Variants in NRIP2 observed in about 807,000 individuals in gnomAD.
NRIP2 encodes the protein nuclear receptor-interacting protein 2.
A neutral mutation model predicts 34.1 loss-of-function variants in NRIP2; 27 were observed. The ratio of observed to expected loss-of-function variants is 0.79; its 90% confidence interval spans 0.58 to 1.09. The LOEUF (loss-of-function observed/expected upper bound fraction) is 1.09. Ranked by LOEUF, NRIP2 falls within the 50% of genes least tolerant of loss-of-function variation. The probability of loss-of-function intolerance (pLI) is 0.00; values close to 1 mark genes in which losing one functional copy is unlikely to be tolerated. For missense variants in NRIP2, 385 were observed against 352.6 expected, an observed-to-expected ratio of 1.09 and a Z score of -0.74; for synonymous variants, 145 against 146.9, an observed-to-expected ratio of 0.99 and a Z score of 0.09.
At chr12:2,828,078 C>T (rs1228956578) in intron 3 of NRIP2, 31 bp from the exon 4 acceptor site, 1 of 1,585,966 alleles carries the variant, frequency 6.3e-7, no homozygotes, top group Non-Finnish European at 8.6e-7. Context: ...TTATGGCTAC[C>T]ACAGCCCCTA....
At chr12:2,831,221 C>G (rs917618047) in intron 1 of NRIP2, among the ~76,000 whole-genome samples, 6 of 149,150 alleles carry the variant, frequency 4.0e-5, no homozygotes, top group Non-Finnish European at 8.9e-5. Flanking sequence ...TTTTTTTCTT[C>G]CCCTCTGACC....
chr12:2,828,838 G>A (rs1223627344), intron 2 of NRIP2, among the ~76,000 whole-genome samples: 1 of 152,080 alleles, frequency 6.6e-6, no homozygotes, highest in Non-Finnish European at 1.5e-5. Flanking sequence ...GCAAAACTCT[G>A]TCTCAAAACA....
chr12:2,827,901 G>C lies in NRIP2; in HGVS notation c.700+25C>G. ...AAGAGAAAGGTGAGGTGAGCACCAG[G>C]GCTGTTGCAGAAGGGGGGACTTACC... On this transcript the variant is annotated intron_variant, in intron 4 of 5. Transcript: ENST00000337508. This position sits in a 1 kb window ranked among gnomAD's most constrained non-coding sequence, Gnocchi z 4.0. 1.2e-6 allele frequency: 2 copies of C among 1,613,622 alleles called. No individual in the cohort carries two copies. Among genetic ancestry groups the C allele is most frequent in the Non-Finnish European group, 1.7e-6 (2 of 1,180,012 alleles).
In NRIP2 at chr12:2,828,036, C is replaced by T. The variant is rs774701442; in HGVS notation, c.590G>A (p.Arg197Lys). 1.2e-6 allele frequency: 2 copies of T among 1,613,696 alleles called. No homozygotes were observed. Among genetic ancestry groups the T allele is most frequent in the South Asian group, 1.1e-5 (1 of 90,994 alleles). The change falls in exon 4 of 6, where the codon AGG becomes AAG. Residue 197 changes from arginine to lysine, a missense_variant. Physicochemically the swap from Arg to Lys is conservative, Grantham distance 26. Transcript: ENST00000337508. The part of the protein sequence containing the change: ...GCLSRLGLEK[R>K]VLKASAGDLA... ...GTCCCCAGCTGAGGCTTTTAGGACCCTTTTCTCTAACCTGTGGTTGGGAAG... is the reference window on the plus strand; with the variant it reads ...GTCCCCAGCTGAGGCTTTTAGGACCTTTTTCTCTAACCTGTGGTTGGGAAG...
In NRIP2 at chr12:2,834,883, G is replaced by A. The variant is rs149902882; in HGVS notation, c.101C>T (p.Ser34Leu). The stretch of plus-strand genomic sequence containing the variant: ...GGGGCTGCTCGGTGGGGGCGTCACC[G>A]AGTCCTCTCTGCTTCTTCCTGCCTG... ...QRQAGRSRED[S>L]VTPPPSSPWP... is the part of the protein sequence containing the mutation. The change falls in exon 1 of 6, where the codon TCG becomes TTG. Residue 34 changes from serine to leucine, a missense_variant. Ser to Leu is a moderately radical substitution (Grantham distance 145). Coordinates refer to ENST00000337508, the MANE Select transcript of NRIP2 (RefSeq NM_031474.3). The A allele has an allele frequency of 1.4e-4, 232 of 1,613,612 alleles. No individual in the cohort carries two copies. Among genetic ancestry groups the A allele is most frequent in the East Asian group, 4.5e-4 (20 of 44,848 alleles).
At chr12:2,834,393 A>G (rs1002673120) in intron 1 of NRIP2, among the ~76,000 whole-genome samples, 5 of 152,058 alleles carry the variant, frequency 3.3e-5, no homozygotes, top group African/African-American at 9.7e-5. Flanking sequence ...CACCACCCTC[A>G]AGTTTGGGGC....
intron 2 of NRIP2, among the ~76,000 whole-genome samples, chr12:2,829,386 G>A (rs538692592): frequency 2.6e-5 from 4 of 152,136 alleles, no homozygotes; most frequent in South Asian, 4.1e-4. Context: ...ATATGTTACC[G>A]GAAGGTATAT....
At chr12:2,832,062 G>A (rs1209834922) in intron 1 of NRIP2, among the ~76,000 whole-genome samples, 2 of 152,068 alleles carry the variant, frequency 1.3e-5, no homozygotes, top group Admixed American at 1.3e-4. Flanking sequence ...ACTCCAAAAT[G>A]TGGTCCTCAG....
rs746598579 is a variant in NRIP2 at position 2,828,009 on chromosome 12, A to G, written c.617T>C (p.Leu206Pro). Residue 206 changes from leucine to proline, a missense_variant, in exon 4 of 6, where the codon CTG becomes CCG. By Grantham distance (98) the Leu-to-Pro change is moderately conservative. Coordinates refer to ENST00000337508, the MANE Select transcript of NRIP2 (RefSeq NM_031474.3). ...CACCTGGGTTGGGGGCCCAGGGGCC[A>G]GGTCCCCAGCTGAGGCTTTTAGGAC... Reference protein sequence around the residue: ...KRVLKASAGDLAPGPPTQVEQ... With the variant: ...KRVLKASAGDPAPGPPTQVEQ... The G allele has an allele frequency of 6.2e-6, 10 of 1,614,180 alleles. No individual in the cohort carries two copies. The highest frequency in any genetic ancestry group is 3.3e-5 in the Admixed American group (2 of 60,034).
chr12:2,834,498 G>C, intron 1 of NRIP2, 144 bp downstream of exon 1: 1 of 1,187,354 alleles, frequency 8.4e-7, no homozygotes, highest in Non-Finnish European at 1.1e-6. Context: ...CCTTGAGTTG[G>C]CAGGATGACC....
Position 2,826,471 on chromosome 12 carries a change from G to T in NRIP2, c.*736C>A, listed in dbSNP as rs1026555021. 1 of 152,180 alleles carries T rather than the reference G, an allele frequency of 6.6e-6. No homozygotes were observed. The highest frequency in any genetic ancestry group is 1.5e-5 in the Non-Finnish European group (1 of 68,084). 9.4% of individuals were successfully genotyped at this position (152,180 alleles called of 1,614,324 possible). ...ACACACACACACGCAAGGCTCAGGGGCTCGGTGGGTACAAAAAGCCAGTGG... is the reference window on the plus strand; with the variant it reads ...ACACACACACACGCAAGGCTCAGGGTCTCGGTGGGTACAAAAAGCCAGTGG... On this transcript the variant is annotated 3_prime_UTR_variant, in exon 6 of 6. Coordinates refer to ENST00000337508, the MANE Select transcript of NRIP2 (RefSeq NM_031474.3).
At position 2,828,337 on chromosome 12, in the gene NRIP2, G is replaced by C; in HGVS notation, c.573C>G (p.Arg191=). The part of the protein sequence containing the change: ...YNRISAGCLS[R]LGLEKRVLKA... ...TGTTTGGGCCACATTCTTACCCCAG[G>C]CGGCTGAGACATCCAGCAGAGATCC... The change falls in exon 3 of 6, where the codon CGC becomes CGG. Residue 191 remains arginine, a synonymous_variant. Coordinates refer to ENST00000337508, the MANE Select transcript of NRIP2 (RefSeq NM_031474.3). The C allele has an allele frequency of 6.2e-7, 1 of 1,613,998 alleles. No individual in the cohort carries two copies. Among genetic ancestry groups the C allele is most frequent in the Non-Finnish European group, 8.5e-7 (1 of 1,179,952 alleles).
At position 2,827,034 on chromosome 12, in the gene NRIP2, G is replaced by A; in HGVS notation, c.*173C>T. On this transcript the variant is annotated 3_prime_UTR_variant, in exon 6 of 6. Transcript: ENST00000337508. The surrounding 1 kb of genome is among the most constrained non-coding windows in gnomAD (Gnocchi z 4.0). ...TCCTGGGGAGTAGGACAGCTGCTGA[G>A]AAGCAGAGAGGAATGCGGCCAGCTG... The A allele has an allele frequency of 2.1e-6, 3 of 1,449,082 alleles. No individual in the cohort carries two copies. The highest frequency in any genetic ancestry group is 2.7e-6 in the Non-Finnish European group (3 of 1,109,154). The allele number at this position is 1,449,082 out of a possible 1,614,324, so 89.8% of individuals were successfully genotyped here.
chr12:2,834,010 A>G (rs1230676341), intron 1 of NRIP2, among the ~76,000 whole-genome samples: 7 of 152,086 alleles, frequency 4.6e-5, no homozygotes, highest in Non-Finnish European at 8.8e-5. Context: ...GCCCACTCAC[A>G]TCCTCACTGT....
intron 1 of NRIP2, among the ~76,000 whole-genome samples, chr12:2,834,057 T>G (rs1205034752): frequency 6.6e-6 from 1 of 152,160 alleles, no homozygotes; most frequent in Non-Finnish European, 1.5e-5. Context: ...CCAAAGCTGC[T>G]GCAGACATGG....
chr12:2,827,532 T>C lies in NRIP2; in HGVS notation c.753+93A>G. 6.3e-7 allele frequency: 1 copy of C among 1,592,894 alleles called. No homozygotes were observed. The highest frequency in any genetic ancestry group is 1.1e-5 in the South Asian group (1 of 87,886). On this transcript the variant is annotated intron_variant, in intron 5 of 5. Coordinates refer to ENST00000337508, the MANE Select transcript of NRIP2 (RefSeq NM_031474.3). The surrounding 1 kb of genome is among the most constrained non-coding windows in gnomAD (Gnocchi z 4.0). ...AAAGGGACAGTTGCCCATCTCTAAGTCACTCTCATCAGAACCTGGTCCAGG... is the reference window on the plus strand; with the variant it reads ...AAAGGGACAGTTGCCCATCTCTAAGCCACTCTCATCAGAACCTGGTCCAGG...
At position 2,834,744 on chromosome 12, in the gene NRIP2, G is replaced by T. The variant is rs550614194; in HGVS notation, c.240C>A (p.Ser80Arg). The T allele has an allele frequency of 3.7e-5, 59 of 1,613,864 alleles. No homozygotes were observed. The Middle Eastern group carries it at 1.5e-3, about 40-fold the overall frequency. The stretch of plus-strand genomic sequence containing the variant: ...TGGCCTGTTTGAGCCGGCGCTGCTG[G>T]CTCAGGTGGGCTCGGTCTCGAAGCT... ...EAQLRDRAHL[S>R]QQRRLKQATQ... Residue 80 changes from serine (S) to arginine (R), a missense_variant, in exon 1 of 6, where the codon AGC becomes AGA. Physicochemically the swap from Ser to Arg is moderately radical, Grantham distance 110. Transcript: ENST00000337508.
At position 2,834,705 on chromosome 12, in the gene NRIP2, G is replaced by C; in HGVS notation, c.279C>G (p.His93Gln). Residue 93 changes from histidine (H) to glutamine (Q), a missense_variant, in exon 1 of 6, where the codon CAC becomes CAG. By Grantham distance (24) the His-to-Gln change is conservative. Coordinates refer to ENST00000337508, the MANE Select transcript of NRIP2 (RefSeq NM_031474.3). ...GCGGGAGCAGGTCGGCCGAGTCCTT[G>C]TGCAGGAACTGGGTGGCCTGTTTGA... The part of the protein sequence containing the change: ...RRLKQATQFL[H>Q]KDSADLLPLD... 1 of 1,614,052 alleles carries C rather than the reference G, an allele frequency of 6.2e-7. No individual in the cohort carries two copies. The highest frequency in any genetic ancestry group is 1.1e-5 in the South Asian group (1 of 91,072).
intron 1 of NRIP2, among the ~76,000 whole-genome samples, 185 bp from the exon 2 acceptor site, chr12:2,831,045 G>A (rs1324451387): frequency 1.4e-5 from 2 of 143,368 alleles, no homozygotes; most frequent in East Asian, 2.1e-4. Context: ...AAATCATGCC[G>A]TTTTCCTTGG....
Sources: allele counts gnomAD v4.1 joint callset (sites outside exome capture counted in the v4.1 genomes callset), GRCh38; gene constraint gnomAD v4.1.1; non-coding constraint Gnocchi (gnomAD v3.1); transcripts MANE v1.5; gene names NCBI Gene and HGNC (gene_info 2026-07-23, HGNC 2026-07-21).